LZTS1: variants seen among roughly 807,000 people sequenced by gnomAD.
LZTS1 encodes leucine zipper tumor suppressor 1, also known as leucine zipper putative tumor suppressor 1.
A neutral mutation model predicts 45.8 loss-of-function variants in LZTS1; 31 were observed. The ratio of observed to expected loss-of-function variants is 0.68; its 90% CI spans 0.51 to 0.91. LZTS1 has a LOEUF of 0.91. Among genes scored for constraint, LZTS1 ranks in the 40% least tolerant of loss-of-function variants. The pLI is 0.00. For missense variants in LZTS1, 821 were observed against 788.9 expected, an observed-to-expected ratio of 1.04 and a Z score of -0.49; for synonymous variants, 359 against 357.3, an observed-to-expected ratio of 1.00 and a Z score of -0.05.
chr8:20,260,379 A>G (rs1800201546), intron 1 of LZTS1, among the ~76,000 whole-genome samples: 1 of 152,154 alleles, frequency 6.6e-6, no homozygotes, highest in African/African-American at 2.4e-5. Flanking sequence ...GAGCTCCTAG[A>G]ACAAAAAAAG....
At chr8:20,282,645 G>A (rs1800715571) in intron 1 of LZTS1, among the ~76,000 whole-genome samples, 1 of 152,164 alleles carries the variant, frequency 6.6e-6, no homozygotes, top group South Asian at 2.1e-4. Flanking sequence ...CTGTTGTAAG[G>A]GGCTGTCCTG....
At chr8:20,292,219 CT>C (rs910181215) in intron 1 of LZTS1, among the ~76,000 whole-genome samples, 155 of 152,368 alleles carry the variant, frequency 1.0e-3, no homozygotes, top group African/African-American at 3.5e-3. Flanking sequence ...AAAGGAACCC[CT>C]GGCACCCAGT....
At chr8:20,276,071 A>T (rs968463293) in intron 1 of LZTS1, among the ~76,000 whole-genome samples, 1 of 152,198 alleles carries the variant, frequency 6.6e-6, no homozygotes, top group South Asian at 2.1e-4. Flanking sequence ...ACTTCCAAAA[A>T]ATAAAGAAAA....
chr8:20,278,154 G>A (rs1701275225), intron 1 of LZTS1, among the ~76,000 whole-genome samples: 2 of 152,210 alleles, frequency 1.3e-5, no homozygotes, highest in African/African-American at 4.8e-5. Flanking sequence ...CAGTCTCCCA[G>A]TAGATAGAAA....
At chr8:20,276,245 A>ATTTTTT (rs67555163) in intron 1 of LZTS1, among the ~76,000 whole-genome samples, 4 of 145,736 alleles carry the variant, frequency 2.7e-5, no homozygotes, top group African/African-American at 1.0e-4. Flanking sequence ...CTCCAGAGTG[A>ATTTTTT]TTTTTTTTTT....
At chr8:20,260,907 A>C (rs1017158359) in intron 1 of LZTS1, among the ~76,000 whole-genome samples, 5 of 152,158 alleles carry the variant, frequency 3.3e-5, no homozygotes, top group Non-Finnish European at 7.4e-5. Flanking sequence ...TTTGGGATCC[A>C]CTTGAAGCTA....
intron 1 of LZTS1, among the ~76,000 whole-genome samples, chr8:20,273,643 A>G (rs1025585201): frequency 2.7e-4 from 41 of 151,820 alleles, no homozygotes; most frequent in Non-Finnish European, 5.4e-4. Flanking sequence ...CTCACCCTAC[A>G]TCTGACCAGC....
At chr8:20,251,251 G>T (rs1370896679) in intron 3 of LZTS1, among the ~76,000 whole-genome samples, 1 of 151,132 alleles carries the variant, frequency 6.6e-6, no homozygotes, top group Non-Finnish European at 1.5e-5. Flanking sequence ...ATCATAAGTG[G>T]TCAAGCTGAG....
chr8:20,256,060 C>CA (rs386412254), intron 1 of LZTS1, among the ~76,000 whole-genome samples: 755 of 56,284 alleles, frequency 0.013, 37 homozygotes, highest in Middle Eastern at 0.059. Flanking sequence ...GGGCCTGACT[C>CA]AAAAAAAAAA....
At chr8:20,276,250 T>TTC (rs993313699) in intron 1 of LZTS1, among the ~76,000 whole-genome samples, 3 of 150,834 alleles carry the variant, frequency 2.0e-5, no homozygotes, top group African/African-American at 7.3e-5. Context: ...GAGTGATTTT[T>TTC]TTTTTTTTTT....
intron 1 of LZTS1, among the ~76,000 whole-genome samples, chr8:20,264,887 G>C (rs530744924): frequency 2.6e-5 from 4 of 152,330 alleles, no homozygotes; most frequent in African/African-American, 9.6e-5. Context: ...GGGGAAGAGG[G>C]AAACGGGAGA....
intron 1 of LZTS1, among the ~76,000 whole-genome samples, chr8:20,283,304 C>T (rs1800730069): frequency 6.6e-6 from 1 of 152,076 alleles, no homozygotes; most frequent in Non-Finnish European, 1.5e-5. Flanking sequence ...GGGTGGAGCC[C>T]TCATAAATGG....
rs2128889646 is a variant in LZTS1, at chr8:20,246,179, A to G, written c.*3543T>C. 6.5e-6 allele frequency: 1 copy of G among 152,802 alleles called. No homozygotes were observed. The highest frequency in any genetic ancestry group is 1.5e-5 in the Non-Finnish European group (1 of 68,034). 9.5% of individuals were successfully genotyped at this position (152,802 alleles called of 1,614,324 possible). On this transcript the variant is annotated 3_prime_UTR_variant, in exon 4 of 4. Transcript: ENST00000381569. Reference sequence around the variant, plus strand: ...ACACGTGGCTCTAGAGGGCGTGAGAAATGGCATTCTTTATTCATAAATAAA... The same window carrying G: ...ACACGTGGCTCTAGAGGGCGTGAGAGATGGCATTCTTTATTCATAAATAAA...
chr8:20,261,874 A>G (rs1314188751), intron 1 of LZTS1, among the ~76,000 whole-genome samples: 1 of 152,060 alleles, frequency 6.6e-6, no homozygotes, highest in Admixed American at 6.5e-5. Flanking sequence ...GGAGATGTTC[A>G]GCCTCCAGCC....
chr8:20,289,594 C>CAGGG (rs1413194207), intron 1 of LZTS1, among the ~76,000 whole-genome samples: 1 of 152,220 alleles, frequency 6.6e-6, no homozygotes, highest in Non-Finnish European at 1.5e-5. Flanking sequence ...GGCAGGAAAG[C>CAGGG]AGGGAGGGCT....
Position 20,253,298 on chromosome 8 carries a change from G to T in LZTS1, c.633C>A (p.His211Gln), listed in dbSNP as rs755849215. 5.0e-6 allele frequency: 8 copies of T among 1,614,098 alleles called. No homozygotes were observed. Among genetic ancestry groups the T allele is most frequent in the Non-Finnish European group, 6.8e-6 (8 of 1,180,044 alleles). The change falls in exon 3 of 4, where the codon CAC becomes CAA. Residue 211 changes from histidine to glutamine, a missense_variant. Coordinates refer to ENST00000381569, the MANE Select transcript of LZTS1 (RefSeq NM_021020.5). ...GGAGGACGATGCCCTGGGTGATGTTGTGGGCGGAGCCCCCAAAACGGCTTG... is the reference window on the plus strand; with the variant it reads ...GGAGGACGATGCCCTGGGTGATGTTTTGGGCGGAGCCCCCAAAACGGCTTG... ...GPTSRFGGSA[H>Q]NITQGIVLQD...
rs749986352 is a variant in LZTS1 at position 20,253,157 on chromosome 8, C to A, written c.774G>T (p.Thr258=). 4.3e-6 allele frequency: 7 copies of A among 1,613,246 alleles called. No individual in the cohort carries two copies. In the African/African-American group the frequency reaches 9.3e-5, roughly 22 times the overall value. Reference sequence around the variant, plus strand: ...CCAGCTCCTGGATGCTGCACTCGTCCGTGGAGATGGGGGAGCGGACACACG... The same window carrying A: ...CCAGCTCCTGGATGCTGCACTCGTCAGTGGAGATGGGGGAGCGGACACACG... ...GPSCVRSPIS[T]DECSIQELEQ... is the part of the protein sequence containing the mutation. The change falls in exon 3 of 4, where the codon ACG becomes ACT. Residue 258 remains threonine, a synonymous_variant. Coordinates refer to ENST00000381569, the MANE Select transcript of LZTS1 (RefSeq NM_021020.5).
intron 1 of LZTS1, among the ~76,000 whole-genome samples, chr8:20,269,419 T>C (rs551714465): frequency 6.6e-6 from 1 of 152,312 alleles, no homozygotes; most frequent in East Asian, 1.9e-4. Context: ...TGGGGGCAGA[T>C]GGCCCCCTGC....
chr8:20,259,873 C>T (rs1437124761), intron 1 of LZTS1, among the ~76,000 whole-genome samples: 2 of 144,496 alleles, frequency 1.4e-5, no homozygotes, highest in African/African-American at 5.3e-5. Flanking sequence ...CTTGCTCTCA[C>T]CTGTACTAAT....
Sources: gnomAD v4.1 joint callset for allele counts (sites outside exome capture counted in the v4.1 genomes callset) on GRCh38, gnomAD v4.1.1 for gene constraint, MANE v1.5 for transcripts, NCBI Gene and HGNC (gene_info 2026-07-23, HGNC 2026-07-21) for gene names.